PPP1R37: variants seen among roughly 807,000 people sequenced by gnomAD.
The protein encoded by PPP1R37 is leucine rich repeat containing 68.
A neutral mutation model predicts 61.0 loss-of-function variants in PPP1R37; 21 were observed. The ratio of observed to expected loss-of-function variants is 0.34; its 90% CI spans 0.24 to 0.50. The LOEUF (loss-of-function observed/expected upper bound fraction) is 0.50, where lower values mean the gene tolerates loss of function less well. PPP1R37 is among the 20% of genes least tolerant of loss of function. The pLI is 0.98. For missense variants in PPP1R37, 910 were observed against 952.7 expected (o/e 0.96, Z 0.59); for synonymous variants, 443 against 433.5 (o/e 1.02, Z -0.27).
At chr19:45,105,091 G>A (rs539972823) in intron 1 of PPP1R37, among the ~76,000 whole-genome samples, 3 of 152,334 alleles carry the variant, frequency 2.0e-5, no homozygotes, top group African/African-American at 7.2e-5. Flanking sequence ...GTGGCACTGG[G>A]CCTGGCTCTG....
At chr19:45,139,970 G>T (rs1968588566) in intron 2 of PPP1R37, among the ~76,000 whole-genome samples, 1 of 152,266 alleles carries the variant, frequency 6.6e-6, no homozygotes, top group Admixed American at 6.5e-5. Flanking sequence ...CCCTCACTCG[G>T]TCCCGCTGGG....
intron 1 of PPP1R37, among the ~76,000 whole-genome samples, chr19:45,102,028 C>T (rs1267667180): frequency 6.6e-6 from 1 of 152,178 alleles, no homozygotes; most frequent in African/African-American, 2.4e-5. Context: ...CCTCGTGCTC[C>T]CCCAGCCAGC....
intron 1 of PPP1R37, among the ~76,000 whole-genome samples, chr19:45,115,725 A>G (rs1321812278): frequency 1.3e-5 from 2 of 152,210 alleles, no homozygotes; most frequent in Non-Finnish European, 2.9e-5. Flanking sequence ...CTATAATCCC[A>G]GCACTTTGGG....
intron 1 of PPP1R37, among the ~76,000 whole-genome samples, chr19:45,124,810 A>G (rs59430566): frequency 2.1e-5 from 3 of 145,638 alleles, no homozygotes; most frequent in Admixed American, 6.7e-5. Context: ...AAAAAAAGAA[A>G]AAAAAAAAAA....
intron 1 of PPP1R37, among the ~76,000 whole-genome samples, chr19:45,096,755 G>A (rs1404024674): frequency 6.6e-6 from 1 of 152,106 alleles, no homozygotes; most frequent in Non-Finnish European, 1.5e-5. Context: ...TGAGAGAGGG[G>A]CAGTAAGGTC....
intron 1 of PPP1R37, among the ~76,000 whole-genome samples, chr19:45,105,159 T>G (rs1447445348): frequency 6.6e-6 from 1 of 152,092 alleles, no homozygotes; most frequent in Non-Finnish European, 1.5e-5. Flanking sequence ...TGGGTCTTAG[T>G]CCTTGCCATG....
At chr19:45,094,705 G>A (rs1967969565) in intron 1 of PPP1R37, among the ~76,000 whole-genome samples, 1 of 151,758 alleles carries the variant, frequency 6.6e-6, no homozygotes, top group Admixed American at 6.6e-5. Flanking sequence ...TCCAGCCTGG[G>A]TGACAAGAGC....
At chr19:45,139,384 G>A (rs1054964544) in intron 2 of PPP1R37, among the ~76,000 whole-genome samples, 2 of 152,248 alleles carry the variant, frequency 1.3e-5, no homozygotes, top group African/African-American at 2.4e-5. Flanking sequence ...TTTTCTGTGC[G>A]TTGGCAAGGT....
intron 1 of PPP1R37, among the ~76,000 whole-genome samples, chr19:45,103,465 G>A (rs1279177107): frequency 1.3e-5 from 2 of 152,222 alleles, no homozygotes; most frequent in Non-Finnish European, 2.9e-5. Flanking sequence ...TCGGACTCGT[G>A]TGCCACCTTC....
intron 11 of PPP1R37, 22 bp from the exon 12 acceptor site, chr19:45,146,368 G>A: frequency 1.3e-6 from 2 of 1,533,098 alleles, no homozygotes; most frequent in South Asian, 1.2e-5. Context: ...TGACGGGGGT[G>A]CTGGCCCGTC....
rs542722942 is a variant in PPP1R37 at position 45,097,429 on chromosome 19, C to T, written c.202+3902C>T. ...GCGCCCCTGGGTGAGGAGGAAGCAG[C>T]ACTGGGGGCACCCCAGTGCAGGGGT... On this transcript the variant is annotated intron_variant, in intron 1 of 12. Coordinates refer to ENST00000221462, the MANE Select transcript of PPP1R37 (RefSeq NM_019121.2). Among the ~76,000 whole-genome samples the T allele has an allele frequency of 2.0e-5, 3 of 152,012 alleles. No individual in the cohort carries two copies. The East Asian group carries it at 5.8e-4, about 30-fold the overall frequency.
chr19:45,108,389 T>C (rs992919576), intron 1 of PPP1R37, among the ~76,000 whole-genome samples: 1 of 151,704 alleles, frequency 6.6e-6, no homozygotes, highest in Non-Finnish European at 1.5e-5. Context: ...TTCGTATTTT[T>C]AGTAGAGACG....
rs1599713756 is a variant in PPP1R37, at chr19:45,144,940, C to T, written c.1074C>T (p.Ile358=). 2 of 1,535,764 alleles carry T rather than the reference C, an allele frequency of 1.3e-6. No individual in the cohort carries two copies. The highest frequency in any genetic ancestry group is 1.7e-6 in the Non-Finnish European group (2 of 1,146,716). Residue 358 remains isoleucine, a synonymous_variant, in exon 9 of 13, where the codon ATC becomes ATT. Transcript: ENST00000221462. ...TGCGGCACCTCAAGAACGGGCTCAT[C>T]AGCAACCGCAGCGTGCTGCGCCTCG... The part of the protein sequence containing the change: ...EGVRHLKNGL[I]SNRSVLRLGL...
chr19:45,103,588 A>G (rs1449405032), intron 1 of PPP1R37, among the ~76,000 whole-genome samples: 2 of 147,688 alleles, frequency 1.4e-5, no homozygotes, highest in African/African-American at 4.9e-5. Context: ...AAAGCAAAGC[A>G]CTGTCACAGC....
At chr19:45,102,610 A>C (rs1257634404) in intron 1 of PPP1R37, among the ~76,000 whole-genome samples, 1 of 152,200 alleles carries the variant, frequency 6.6e-6, no homozygotes, top group Non-Finnish European at 1.5e-5. Context: ...CTAGATGACC[A>C]GCGGGTAGGA....
At chr19:45,104,551 T>C (rs7257599) in intron 1 of PPP1R37, among the ~76,000 whole-genome samples, 21,698 of 152,198 alleles carry the variant, frequency 0.14, 1,726 homozygotes, top group Non-Finnish European at 0.17. Context: ...TTGCTGTCCC[T>C]GCCATGCCAG....
In PPP1R37 at chr19:45,143,930, C is replaced by T. The variant is rs537660040; in HGVS notation, c.987+297C>T. 1.4e-5 allele frequency: 3 copies of T among 206,978 alleles called. No homozygotes were observed. The East Asian group carries it at 3.4e-4, about 24-fold the overall frequency. The allele number at this position is 206,978 out of a possible 1,614,324, so 12.8% of individuals were successfully genotyped here. ...ACTGCAGCCACTCCAGCCCCCGCCT[C>T]CTGGGTTCAAGCCATTCTTCTGCCT... On this transcript the variant is annotated intron_variant, in intron 8 of 12. Transcript: ENST00000221462.
chr19:45,116,230 A>G (rs1383406705), intron 1 of PPP1R37, among the ~76,000 whole-genome samples: 3 of 152,226 alleles, frequency 2.0e-5, no homozygotes, highest in Non-Finnish European at 2.9e-5. Flanking sequence ...CAGGATCTTC[A>G]GCTGCGGCAG....
chr19:45,129,279 G>A (rs111998044), intron 1 of PPP1R37, among the ~76,000 whole-genome samples: 13,843 of 152,180 alleles, frequency 0.091, 893 homozygotes, highest in Non-Finnish European at 0.13. Flanking sequence ...GCCCTGGTTG[G>A]GGGGAGACGG....
Sources: gnomAD v4.1 joint callset for allele counts (sites outside exome capture counted in the v4.1 genomes callset) on GRCh38, gnomAD v4.1.1 for gene constraint, MANE v1.5 for transcripts, NCBI Gene and HGNC (gene_info 2026-07-23, HGNC 2026-07-21) for gene names.